Variants in EHBP1 observed in about 807,000 individuals in gnomAD.
EHBP1 encodes the protein EH domain-binding protein 1.
EHBP1 carries 55 observed loss-of-function variants against 144.0 expected under a neutral mutation model. That is an observed-to-expected ratio of 0.38 (90% CI 0.31 to 0.48). The LOEUF (loss-of-function observed/expected upper bound fraction) is 0.48. EHBP1 is among the 20% of genes least tolerant of loss of function. The pLI is 0.98. For missense variants in EHBP1, 1,200 were observed against 1,364.2 expected (o/e 0.88, Z 1.90); for synonymous variants, 469 against 472.7 (o/e 0.99, Z 0.10).
At chr2:62,695,115 AC>A (rs1257690505) in intron 1 of EHBP1, among the ~76,000 whole-genome samples, 1 of 152,192 alleles carries the variant, frequency 6.6e-6, no homozygotes, top group Non-Finnish European at 1.5e-5. Flanking sequence ...TAATCCCAGC[AC>A]TTTGGGAGGC....
At chr2:62,988,078 G>A (rs758953441) in intron 15 of EHBP1, 3 of 1,161,244 alleles carry the variant, frequency 2.6e-6, no homozygotes, top group Non-Finnish European at 3.8e-6. Flanking sequence ...CTGCTGCATG[G>A]CAAACTTTAT....
intron 10 of EHBP1, among the ~76,000 whole-genome samples, chr2:62,938,377 A>C (rs892263501): frequency 1.3e-5 from 2 of 152,234 alleles, no homozygotes; most frequent in African/African-American, 4.8e-5. Context: ...TATCCGTGGA[A>C]GAAGGGCAGA....
chr2:62,972,483 G>C (rs7557867), intron 14 of EHBP1, among the ~76,000 whole-genome samples: 1,561 of 152,262 alleles, frequency 0.01, 29 homozygotes, highest in African/African-American at 0.035. Context: ...TTTTACTTAT[G>C]ATGAACCTGG....
At chr2:62,929,451 A>G (rs1448203057) in intron 10 of EHBP1, among the ~76,000 whole-genome samples, 1 of 152,214 alleles carries the variant, frequency 6.6e-6, no homozygotes, top group Non-Finnish European at 1.5e-5. Context: ...ACACTACATT[A>G]GCAGAATGAA....
chr2:62,872,089 A>G (rs574414382), intron 9 of EHBP1: 4 of 152,284 alleles, frequency 2.6e-5, no homozygotes, highest in African/African-American at 7.2e-5. Flanking sequence ...AGAAACATAG[A>G]TATCAAGGTG....
In EHBP1 at chr2:62,831,162, G is replaced by A; in HGVS notation, c.634+4G>A. ...GAAAAGGCAGCTAAAATTACAGGTT[G>A]GTTTTATTAGCATTAAACTAAAAGT... On this transcript the variant is annotated splice_donor_region_variant and intron_variant, in intron 7 of 22. Coordinates refer to ENST00000431489, the MANE Select transcript of EHBP1 (RefSeq NM_001142616.3). The A allele has an allele frequency of 6.3e-7, 1 of 1,586,582 alleles. No individual in the cohort carries two copies. Among genetic ancestry groups the A allele is most frequent in the South Asian group, 1.2e-5 (1 of 86,140 alleles).
intron 7 of EHBP1, among the ~76,000 whole-genome samples, chr2:62,846,908 A>C (rs1420082210): frequency 6.6e-6 from 1 of 152,206 alleles, no homozygotes; most frequent in African/African-American, 2.4e-5. Context: ...TTTTTCCTCA[A>C]ATCAATCTGT....
intron 5 of EHBP1, among the ~76,000 whole-genome samples, chr2:62,788,917 A>G (rs1438207920): frequency 2.0e-5 from 3 of 152,324 alleles, no homozygotes; most frequent in Admixed American, 2.0e-4. Context: ...ACCATATTTT[A>G]GCTCTGGTGG....
chr2:62,919,228 G>A (rs970093261), intron 10 of EHBP1, among the ~76,000 whole-genome samples: 2 of 152,174 alleles, frequency 1.3e-5, no homozygotes, highest in Admixed American at 6.5e-5. Context: ...CCTCTTTTTG[G>A]TGTAAGCCCC....
intron 2 of EHBP1, among the ~76,000 whole-genome samples, chr2:62,711,927 G>C (rs2035180532): frequency 6.6e-6 from 1 of 152,164 alleles, no homozygotes; most frequent in Non-Finnish European, 1.5e-5. Context: ...TTAGAGGAAA[G>C]GAAGTGATTA....
In EHBP1 at chr2:62,996,664, C is replaced by A; in HGVS notation, c.3001C>A (p.Gln1001Lys). 2 of 1,613,216 alleles carry A rather than the reference C, an allele frequency of 1.2e-6. No individual in the cohort carries two copies. The highest frequency in any genetic ancestry group is 2.2e-5 in the South Asian group (2 of 91,022). The change falls in exon 19 of 23, where the codon CAG becomes AAG. Residue 1001 changes from glutamine (Q) to lysine (K), a missense_variant. By Grantham distance (53) the Gln-to-Lys change is moderately conservative (BLOSUM62 1). Transcript: ENST00000431489. ...VLNKGFKDTS[Q>K]YVVGELAALE... ...ACAGAAAGGGTTCAAAGACACCAGT[C>A]AGTATGTAGTAGGAGAATTGGCAGC...
At chr2:62,706,649 TG>T (rs1363889527) in intron 1 of EHBP1, 1 of 153,380 alleles carries the variant, frequency 6.5e-6, no homozygotes, top group Non-Finnish European at 1.5e-5. Flanking sequence ...ACCGTCTCTC[TG>T]GATTGTTGTT....
Position 62,736,230 on chromosome 2 carries a change from T to TC in EHBP1, c.105-11165_105-11164insC, listed in dbSNP as rs1200558952. On this transcript the variant is annotated intron_variant, in intron 2 of 22. Transcript: ENST00000431489. ...CAGTCTTTGTTCTCTTTGCCTTTTT[T>TC]TTTTTTTTTTTTTTGAGACAGAGTC... Among the ~76,000 whole-genome samples the TC allele has an allele frequency of 2.1e-5, 3 of 145,536 alleles. No homozygotes were observed. The East Asian group carries it at 5.8e-4, about 28-fold the overall frequency.
At chr2:63,011,550 C>CT (rs1047594993) in intron 19 of EHBP1, among the ~76,000 whole-genome samples, 1 of 151,856 alleles carries the variant, frequency 6.6e-6, no homozygotes, top group Non-Finnish European at 1.5e-5. Context: ...CTTTTTACAT[C>CT]TTTTTGTGGT....
intron 10 of EHBP1, among the ~76,000 whole-genome samples, chr2:62,941,360 A>G (rs1386982079): frequency 6.6e-6 from 1 of 152,176 alleles, no homozygotes; most frequent in Non-Finnish European, 1.5e-5. Flanking sequence ...CTACTTCATT[A>G]TATTAAGTCG....
intron 5 of EHBP1, among the ~76,000 whole-genome samples, chr2:62,801,781 TAACTA>T (rs1374232828): frequency 6.6e-6 from 1 of 152,226 alleles, no homozygotes; most frequent in East Asian, 1.9e-4. Context: ...GTATATTTCT[TAACTA>T]GAGACCAATT....
At chr2:62,738,299 T>C (rs1273461978) in intron 2 of EHBP1, among the ~76,000 whole-genome samples, 3 of 152,202 alleles carry the variant, frequency 2.0e-5, no homozygotes, top group South Asian at 2.1e-4. Flanking sequence ...TCAGAATTCA[T>C]TGTGACTTAG....
intron 16 of EHBP1, among the ~76,000 whole-genome samples, chr2:62,992,842 C>T (rs1178479203): frequency 2.0e-5 from 3 of 152,128 alleles, no homozygotes; most frequent in Admixed American, 2.0e-4. Context: ...GCATCTTAGC[C>T]TTTCCCTATT....
intron 2 of EHBP1, among the ~76,000 whole-genome samples, chr2:62,746,202 C>T (rs191239236): frequency 1.8e-4 from 28 of 152,090 alleles, no homozygotes; most frequent in African/African-American, 5.5e-4. Flanking sequence ...GTTGTTATAC[C>T]GCACTCCATT....
Sources: gnomAD v4.1 joint callset for allele counts (sites outside exome capture counted in the v4.1 genomes callset) on GRCh38, gnomAD v4.1.1 for gene constraint, MANE v1.5 for transcripts, NCBI Gene and HGNC (gene_info 2026-07-23, HGNC 2026-07-21) for gene names.